Variants in C8orf34 observed in about 807,000 individuals in gnomAD.
The protein encoded by C8orf34 is uncharacterized protein C8orf34.
A neutral mutation model predicts 68.3 loss-of-function variants in C8orf34; 65 were observed. That is an observed-to-expected ratio of 0.95 (90% CI 0.78 to 1.17). The LOEUF (loss-of-function observed/expected upper bound fraction) is 1.17, where lower values mean the gene tolerates loss of function less well. C8orf34 is among the 50% of genes most tolerant of loss of function. The pLI, the probability that C8orf34 is intolerant of heterozygous loss-of-function variation, is 0.00. For missense variants in C8orf34, 664 were observed against 655.4 expected, an observed-to-expected ratio of 1.01 and a Z score of -0.14; for synonymous variants, 244 against 241.2, an observed-to-expected ratio of 1.01 and a Z score of -0.11.
intron 10 of C8orf34, among the ~76,000 whole-genome samples, chr8:68,753,026 G>T (rs1184838744): frequency 1.3e-5 from 2 of 152,104 alleles, no homozygotes; most frequent in Non-Finnish European, 2.9e-5. Context: ...AGAAAATGTT[G>T]TTGATTTTTA....
chr8:68,806,890 C>G (rs1824504462), intron 12 of C8orf34, among the ~76,000 whole-genome samples: 1 of 152,136 alleles, frequency 6.6e-6, no homozygotes, highest in South Asian at 2.1e-4. Context: ...GAGGCTCATG[C>G]CTTTTCCATG....
intron 12 of C8orf34, among the ~76,000 whole-genome samples, chr8:68,802,329 A>G (rs1005824784): frequency 6.6e-5 from 10 of 151,926 alleles, no homozygotes; most frequent in Non-Finnish European, 1.3e-4. Context: ...TGAACTCCCG[A>G]CCTCAGGTGA....
chr8:68,493,171 C>A (rs1052563845), intron 5 of C8orf34, among the ~76,000 whole-genome samples: 2 of 152,146 alleles, frequency 1.3e-5, no homozygotes, highest in African/African-American at 4.8e-5. Context: ...GGCATTGATA[C>A]CCTCAAAATA....
chr8:68,531,492 A>G (rs1815244110), intron 6 of C8orf34, among the ~76,000 whole-genome samples: 1 of 152,182 alleles, frequency 6.6e-6, no homozygotes, highest in Non-Finnish European at 1.5e-5. Context: ...TTAAATTCAG[A>G]TTAGATATTT....
intron 7 of C8orf34, among the ~76,000 whole-genome samples, chr8:68,608,394 G>A (rs891439190): frequency 4.6e-5 from 7 of 152,070 alleles, no homozygotes; most frequent in African/African-American, 1.4e-4. Flanking sequence ...AGAGCTATGG[G>A]GAGAGGGTTA....
chr8:68,775,663 G>A (rs1039759605), intron 10 of C8orf34, among the ~76,000 whole-genome samples: 7 of 152,060 alleles, frequency 4.6e-5, no homozygotes, highest in African/African-American at 7.2e-5. Flanking sequence ...GTTTTAGATC[G>A]TCACACAAAT....
chr8:68,353,163 G>C (rs1244416855), intron 1 of C8orf34, among the ~76,000 whole-genome samples: 1 of 152,066 alleles, frequency 6.6e-6, no homozygotes. Flanking sequence ...ATCCACACCT[G>C]CTGAGCATGT....
intron 8 of C8orf34, among the ~76,000 whole-genome samples, chr8:68,683,248 A>G (rs1221640048): frequency 6.6e-6 from 1 of 151,970 alleles, no homozygotes; most frequent in Non-Finnish European, 1.5e-5. Context: ...TTATTTAAAA[A>G]GATATTTATA....
chr8:68,512,171 C>G (rs1346132966), intron 5 of C8orf34, among the ~76,000 whole-genome samples: 1 of 152,092 alleles, frequency 6.6e-6, no homozygotes, highest in Non-Finnish European at 1.5e-5. Context: ...ACACAACTGA[C>G]AAAGAAGTTT....
chr8:68,525,923 G>A, intron 6 of C8orf34: 1 of 227,246 alleles, frequency 4.4e-6, no homozygotes, highest in Non-Finnish European at 8.7e-6. Context: ...AGCATGGAAA[G>A]ATGGCAGCTG....
At chr8:68,604,189 T>C (rs1817786224) in intron 7 of C8orf34, among the ~76,000 whole-genome samples, 1 of 151,926 alleles carries the variant, frequency 6.6e-6, no homozygotes, top group Non-Finnish European at 1.5e-5. Context: ...ATAGAGGATA[T>C]ATGACATGAA....
chr8:68,600,222 T>G (rs2130487473), intron 7 of C8orf34, among the ~76,000 whole-genome samples: 1 of 152,266 alleles, frequency 6.6e-6, no homozygotes, highest in Admixed American at 6.5e-5. Flanking sequence ...TTTACCACTT[T>G]GAGTCAAGTG....
intron 1 of C8orf34, among the ~76,000 whole-genome samples, chr8:68,350,421 A>G (rs931737272): frequency 5.3e-5 from 8 of 151,770 alleles, no homozygotes; most frequent in South Asian, 2.1e-4. Context: ...TTTGGGTGTG[A>G]ACACTTCTAT....
rs140886063 is a variant in C8orf34, at chr8:68,794,640, C to G, written c.1549+7104C>G. ...CCACTGGGACTACAGGTTTACACCA[C>G]CACACCTGGCTAGTTTTTGTACTTT... On this transcript the variant is annotated intron_variant, in intron 12 of 13. Coordinates refer to ENST00000518698, the MANE Select transcript of C8orf34 (RefSeq NM_052958.4). 8.0e-5 allele frequency among the ~76,000 whole-genome samples: 12 copies of G among 150,490 alleles called. No individual in the cohort carries two copies. The East Asian group carries it at 2.3e-3, about 29-fold the overall frequency.
In C8orf34 at chr8:68,781,762, A is replaced by T. The variant is rs374440524; in HGVS notation, c.1455+5313A>T. On this transcript the variant is annotated intron_variant, in intron 11 of 13. Transcript: ENST00000518698. ...TAAAACATTTAAATCATCTATTAAC[A>T]GTAATATTTGTACTATCTTTATGAT... Among the ~76,000 whole-genome samples the T allele has an allele frequency of 9.2e-5, 14 of 152,330 alleles. No individual in the cohort carries two copies. In the South Asian group the frequency reaches 2.7e-3, roughly 29 times the overall value.
Position 68,647,245 on chromosome 8 carries a change from A to G in C8orf34, c.1241+6734A>G, listed in dbSNP as rs78383458. 8.2e-3 allele frequency among the ~76,000 whole-genome samples: 1,252 copies of G among 152,302 alleles called. 19 individuals carry two copies. The highest frequency in any genetic ancestry group is 0.029 in the African/African-American group (1,191 of 41,570). ...ATGCAATTTAAAACCGCAAAAAGAT[A>G]TTGCCTAACACCTGATAGAATGGCC... On this transcript the variant is annotated intron_variant, in intron 8 of 13. Coordinates refer to ENST00000518698, the MANE Select transcript of C8orf34 (RefSeq NM_052958.4).
intron 1 of C8orf34, among the ~76,000 whole-genome samples, chr8:68,360,378 C>A (rs1273459914): frequency 6.6e-6 from 1 of 152,176 alleles, no homozygotes; most frequent in East Asian, 1.9e-4. Context: ...TGGCCACTTC[C>A]TGTGGCTATA....
At chr8:68,747,418 T>G (rs1822538309) in intron 10 of C8orf34, among the ~76,000 whole-genome samples, 1 of 149,046 alleles carries the variant, frequency 6.7e-6, no homozygotes, top group East Asian at 1.9e-4. Flanking sequence ...TAAAGGGTAT[T>G]CAAATAGGAA....
At chr8:68,596,782 C>T (rs1277693946) in intron 7 of C8orf34, among the ~76,000 whole-genome samples, 1 of 152,162 alleles carries the variant, frequency 6.6e-6, no homozygotes, top group Non-Finnish European at 1.5e-5. Flanking sequence ...GCCTTCTGCA[C>T]CTTAGCAAGA....
Sources: gnomAD v4.1 joint callset for allele counts (sites outside exome capture counted in the v4.1 genomes callset) on GRCh38, gnomAD v4.1.1 for gene constraint, MANE v1.5 for transcripts, NCBI Gene and HGNC (gene_info 2026-07-23, HGNC 2026-07-21) for gene names.